The following COQ8A variants were observed in gnomAD, a reference collection of about 807,000 sequenced individuals.
COQ8A encodes coenzyme Q8A.
Under a neutral mutation model 65.0 loss-of-function variants are expected in COQ8A, and 51 were observed. That is an observed-to-expected ratio of 0.78 (90% CI 0.63 to 0.99). The LOEUF (loss-of-function observed/expected upper bound fraction) is 0.99, where lower values mean the gene tolerates loss of function less well. COQ8A is among the 50% of genes least tolerant of loss of function. The pLI, the probability that COQ8A is intolerant of heterozygous loss-of-function variation, is 0.00. For synonymous variants in COQ8A, 371 were observed against 353.2 expected (o/e 1.05, Z -0.57); for missense variants, 940 against 875.0 (o/e 1.07, Z -0.94).
chr1:226,985,051 T>G, intron 13 of COQ8A, 110 bp downstream of exon 13: 4 of 1,416,070 alleles, frequency 2.8e-6, no homozygotes, highest in Admixed American at 1.8e-5. Flanking sequence ...TGTGTCCCCA[T>G]CTGCGCTGCC....
At chr1:226,960,409 TGGC>T (rs1294854886) in intron 1 of COQ8A, among the ~76,000 whole-genome samples, 2 of 139,840 alleles carry the variant, frequency 1.4e-5, no homozygotes, top group African/African-American at 2.5e-5. Flanking sequence ...TACTTGGTGG[TGGC>T]GGTGGTACTT....
Position 226,983,813 on chromosome 1 carries a change from G to C in COQ8A, c.1215G>C (p.Glu405Asp). The C allele has an allele frequency of 6.2e-7, 1 of 1,612,398 alleles. No individual in the cohort carries two copies. Among genetic ancestry groups the C allele is most frequent in the Non-Finnish European group, 8.5e-7 (1 of 1,179,986 alleles). The change falls in exon 10 of 15, where the codon GAG (glutamate) becomes GAC (aspartate). Residue 405 changes from glutamate to aspartate, a missense_variant. By Grantham distance (45) the Glu-to-Asp change is conservative. Transcript: ENST00000366777. ...IDVLRRELAL[E>D]CDYQREAACA... The stretch of plus-strand genomic sequence containing the variant: ...TGCTGAGGCGGGAGCTGGCCCTGGA[G>C]TGTGACTACCAGCGAGAGGCCGCCT...
At chr1:226,977,908 C>T (rs868627967) in intron 5 of COQ8A, among the ~76,000 whole-genome samples, 69 of 149,906 alleles carry the variant, frequency 4.6e-4, no homozygotes, top group Admixed American at 6.0e-4. Context: ...CCAGCGAACA[C>T]GCGCACACCT....
At chr1:226,978,478 C>G (rs1234263896) in intron 5 of COQ8A, among the ~76,000 whole-genome samples, 1 of 146,760 alleles carries the variant, frequency 6.8e-6, no homozygotes, top group Non-Finnish European at 1.5e-5. Flanking sequence ...CACCAAATAC[C>G]TGCACACCTC....
chr1:226,977,227 C>T (rs1397890320), intron 4 of COQ8A, among the ~76,000 whole-genome samples: 1 of 152,154 alleles, frequency 6.6e-6, no homozygotes, highest in African/African-American at 2.4e-5. Flanking sequence ...TGGGGGATTC[C>T]TGAATCTTTT....
intron 4 of COQ8A, among the ~76,000 whole-genome samples, chr1:226,969,351 T>G (rs1658749110): frequency 6.6e-6 from 1 of 152,086 alleles, no homozygotes; most frequent in African/African-American, 2.4e-5. Flanking sequence ...CAGGCTGGAG[T>G]GCAGTGGCAC....
At chr1:226,985,065 C>T in intron 13 of COQ8A, 124 bp downstream of exon 13, 6 of 1,359,844 alleles carry the variant, frequency 4.4e-6, no homozygotes, top group Non-Finnish European at 6.2e-6. Context: ...CGCTGCCTGC[C>T]CCTCAGGTCT....
chr1:226,946,464 G>A lies in COQ8A; in HGVS notation c.-10+6065G>A, dbSNP rs1657050937. Among the ~76,000 whole-genome samples, 1 of 152,156 alleles carries A rather than the reference G, an allele frequency of 6.6e-6. No homozygotes were observed. Among genetic ancestry groups the A allele is most frequent in the African/African-American group, 2.4e-5 (1 of 41,418 alleles). On this transcript the variant is annotated intron_variant, in intron 1 of 14. Transcript: ENST00000366777. The surrounding 1 kb of genome is among the most constrained non-coding windows in gnomAD (Gnocchi z 5.3). ...ACGGAGGCATCTAGCGAGAGGTATC[G>A]CTGCAGAGGTGTCTGGGGCTCCACA...
intron 4 of COQ8A, among the ~76,000 whole-genome samples, chr1:226,968,230 G>A (rs1004809478): frequency 6.6e-5 from 10 of 152,122 alleles, no homozygotes; most frequent in Non-Finnish European, 8.8e-5. Flanking sequence ...AGCTACTCGG[G>A]AGGCTGAGGC....
At chr1:226,952,867 A>G (rs773775304) in intron 1 of COQ8A, among the ~76,000 whole-genome samples, 25 of 152,158 alleles carry the variant, frequency 1.6e-4, no homozygotes, top group Non-Finnish European at 2.8e-4. Context: ...CATGAAAAGC[A>G]ACGTTCCTGT....
chr1:226,948,720 C>T (rs1305745354), intron 1 of COQ8A, among the ~76,000 whole-genome samples: 1 of 152,032 alleles, frequency 6.6e-6, no homozygotes, highest in Non-Finnish European at 1.5e-5. Context: ...TCAGAGTTGT[C>T]TGAGACAAGA....
intron 11 of COQ8A, 87 bp from the exon 12 acceptor site, chr1:226,984,460 CA>C: frequency 7.3e-7 from 1 of 1,365,186 alleles, no homozygotes; most frequent in East Asian, 2.3e-5. Context: ...GTGGGTAAAA[CA>C]GGAGGCAGGG....
chr1:226,948,799 A>G (rs1269322643), intron 1 of COQ8A, among the ~76,000 whole-genome samples: 3 of 152,184 alleles, frequency 2.0e-5, no homozygotes, highest in South Asian at 4.1e-4. Flanking sequence ...GTAACTTACA[A>G]TGTAGGAATC....
At position 226,954,564 on chromosome 1, in the gene COQ8A, C is replaced by T. The variant is rs74739455; in HGVS notation, c.-9-6813C>T. On this transcript the variant is annotated intron_variant, in intron 1 of 14. Coordinates refer to ENST00000366777, the MANE Select transcript of COQ8A (RefSeq NM_020247.5). ...CTCGTCTTAAGGTGATTGAGACGTT[C>T]GCAGCAGCTTGAGGACCAGTGCCTC... 2.2e-3 allele frequency among the ~76,000 whole-genome samples: 328 copies of T among 152,362 alleles called. 9 individuals are homozygous for T. The East Asian group carries it at 0.045, about 21-fold the overall frequency.
Position 226,957,027 on chromosome 1 carries a change from C to G in COQ8A, c.-9-4350C>G, listed in dbSNP as rs373924251. Among the ~76,000 whole-genome samples the G allele has an allele frequency of 7.0e-3, 912 of 129,708 alleles. 14 individuals carry two copies. The highest frequency in any genetic ancestry group is 0.023 in the African/African-American group (775 of 33,952). The allele number at this position is 129,708 out of a possible 152,430, so 85.1% of individuals were successfully genotyped here. On this transcript the variant is annotated intron_variant, in intron 1 of 14. Transcript: ENST00000366777. Reference sequence around the variant, plus strand: ...ACACTCTCCCTGGCTGCCACTCCCTCGTTCACACTCTCCCTGGCTCCCACT... The same window carrying G: ...ACACTCTCCCTGGCTGCCACTCCCTGGTTCACACTCTCCCTGGCTCCCACT...
At chr1:226,986,432 A>G (rs1660118300) in intron 14 of COQ8A, 21 bp from the exon 15 acceptor site, 2 of 1,610,118 alleles carry the variant, frequency 1.2e-6, no homozygotes, top group Admixed American at 3.3e-5. Flanking sequence ...GCCGCCATTT[A>G]TCCTTCCTCT....
rs748619465 is a variant in COQ8A at position 226,986,466 on chromosome 1, C to A, written c.1673C>A (p.Ala558Asp). 3 of 1,612,718 alleles carry A rather than the reference C, an allele frequency of 1.9e-6. No homozygotes were observed. In the Admixed American group the frequency reaches 5.0e-5, roughly 27 times the overall value. Residue 558 changes from alanine to aspartate, a missense_variant, in exon 15 of 15, where the codon GCC becomes GAC. Ala to Asp is a moderately radical substitution (Grantham distance 126). Coordinates refer to ENST00000366777, the MANE Select transcript of COQ8A (RefSeq NM_020247.5). Reference sequence around the variant, plus strand: ...CTCTTGCCCCAGGTCATGGAAGACGCCCACTTGGATGCCATCCTCATCCTG... The same window carrying A: ...CTCTTGCCCCAGGTCATGGAAGACGACCACTTGGATGCCATCCTCATCCTG... ...TGYEVKVMEDAHLDAILILGE... is the reference protein window; with the variant it reads ...TGYEVKVMEDDHLDAILILGE...
chr1:226,947,794 CA>C (rs1025747690), intron 1 of COQ8A, among the ~76,000 whole-genome samples: 28 of 104,344 alleles, frequency 2.7e-4, no homozygotes, highest in Admixed American at 1.6e-3. Context: ...GACCCTGTCT[CA>C]AAAAAATATA....
At chr1:226,977,306 C>G in intron 4 of COQ8A, 143 bp from the exon 5 acceptor site, 1 of 712,928 alleles carries the variant, frequency 1.4e-6, no homozygotes, top group South Asian at 1.8e-5. Flanking sequence ...ACCTTGTTCC[C>G]CACTTTTCAA....
Sources: allele counts gnomAD v4.1 joint callset (sites outside exome capture counted in the v4.1 genomes callset), GRCh38; gene constraint gnomAD v4.1.1; non-coding constraint Gnocchi (gnomAD v3.1); transcripts MANE v1.5; gene names NCBI Gene and HGNC (gene_info 2026-07-23, HGNC 2026-07-21).